MRPL48: variants seen among roughly 807,000 people sequenced by gnomAD.
MRPL48 encodes mitochondrial ribosomal protein L48.
In MRPL48, 16 loss-of-function variants were observed where a neutral mutation model predicts 32.9. That is an observed-to-expected ratio of 0.49 (90% confidence interval 0.33 to 0.74). The LOEUF is 0.74. Ranked by LOEUF, MRPL48 falls within the 30% of genes least tolerant of loss-of-function variation. The pLI, the probability that MRPL48 is intolerant of heterozygous loss-of-function variation, is 0.02. For missense variants in MRPL48, 206 were observed against 245.3 expected (o/e 0.84, Z 1.07); for synonymous variants, 94 against 89.2 (o/e 1.05, Z -0.31).
chr11:73,803,790 G>A (rs1590938317), intron 1 of MRPL48, among the ~76,000 whole-genome samples: 2 of 152,106 alleles, frequency 1.3e-5, no homozygotes, highest in East Asian at 1.9e-4. Context: ...CGTTTGTTTG[G>A]AAGACTGAAG....
chr11:73,808,794 G>A (rs1214773925), intron 3 of MRPL48, among the ~76,000 whole-genome samples: 1 of 152,080 alleles, frequency 6.6e-6, no homozygotes, highest in African/African-American at 2.4e-5. Flanking sequence ...GTGGTGGCAG[G>A]CGCCTGTAAT....
intron 5 of MRPL48, among the ~76,000 whole-genome samples, chr11:73,847,077 A>G (rs944194876): frequency 5.3e-5 from 8 of 151,072 alleles, no homozygotes; most frequent in Admixed American, 3.3e-4. Context: ...CTCGCCTCCA[A>G]TTTCTGGATT....
chr11:73,858,136 A>G (rs180724561), intron 5 of MRPL48, among the ~76,000 whole-genome samples: 3 of 152,338 alleles, frequency 2.0e-5, no homozygotes, highest in East Asian at 1.9e-4. Flanking sequence ...TTGAACATCC[A>G]TAAGAAGTCT....
Position 73,787,924 on chromosome 11 carries a change from G to A in MRPL48, c.-48G>A, listed in dbSNP as rs531006903. On this transcript the variant is annotated 5_prime_UTR_variant, in exon 1 of 8. Transcript: ENST00000310614. ...CAGACGCCCTGGGAACGCGGCTGCA[G>A]GGTCCGGTCTTCGGTTTGCACAGCT... 5.6e-6 allele frequency: 9 copies of A among 1,605,372 alleles called. No homozygotes were observed. The Admixed American group carries it at 1.0e-4, about 18-fold the overall frequency.
In MRPL48 at chr11:73,835,117, G is replaced by C. The variant is rs190877114; in HGVS notation, c.201+9321G>C. 3.7e-3 allele frequency among the ~76,000 whole-genome samples: 548 copies of C among 149,584 alleles called. 4 individuals carry two copies. Among genetic ancestry groups the C allele is most frequent in the Non-Finnish European group, 5.6e-3 (377 of 67,666 alleles). The stretch of plus-strand genomic sequence containing the variant: ...CAAAGTGCTGGGATTACAGGTGTGA[G>C]CCACTGTGCCCAGCCATGTTGTCTT... On this transcript the variant is annotated intron_variant, in intron 4 of 7. Transcript: ENST00000310614.
intron 3 of MRPL48, among the ~76,000 whole-genome samples, chr11:73,812,613 A>G: frequency 6.6e-6 from 1 of 151,640 alleles, no homozygotes. Context: ...AAGTCCCAGA[A>G]TGGTCCTTTG....
chr11:73,842,503 C>T (rs535611609), intron 4 of MRPL48: 8 of 152,172 alleles, frequency 5.3e-5, no homozygotes, highest in South Asian at 4.1e-4. Flanking sequence ...GATGGAGTCT[C>T]GTTCTGTCGC....
intron 2 of MRPL48, among the ~76,000 whole-genome samples, chr11:73,807,918 C>T (rs1319172471): frequency 2.0e-5 from 3 of 152,194 alleles, no homozygotes; most frequent in Non-Finnish European, 4.4e-5. Flanking sequence ...GGATTACAGG[C>T]GTGAGCCGCT....
At chr11:73,823,862 CTTT>C (rs1256521742) in intron 3 of MRPL48, among the ~76,000 whole-genome samples, 1 of 143,360 alleles carries the variant, frequency 7.0e-6, no homozygotes. Context: ...AAAGACCCCC[CTTT>C]TTTTTTTTGA....
intron 1 of MRPL48, among the ~76,000 whole-genome samples, chr11:73,788,566 C>T (rs1947092624): frequency 1.3e-5 from 2 of 149,392 alleles, no homozygotes; most frequent in African/African-American, 2.5e-5. Flanking sequence ...CTTCGCCTTC[C>T]GGGTTCAAGC....
At chr11:73,801,452 T>C (rs1411436040) in intron 1 of MRPL48, among the ~76,000 whole-genome samples, 1 of 152,182 alleles carries the variant, frequency 6.6e-6, no homozygotes, top group Non-Finnish European at 1.5e-5. Context: ...AGGTTAAGTG[T>C]ATTGCACACA....
chr11:73,861,194 A>G lies in MRPL48; in HGVS notation c.474+1185A>G, dbSNP rs1260302782. 2.0e-5 allele frequency among the ~76,000 whole-genome samples: 3 copies of G among 152,236 alleles called. 1 individual carries two copies. Among genetic ancestry groups the G allele is most frequent in the Admixed American group, 6.5e-5 (1 of 15,268 alleles). On this transcript the variant is annotated intron_variant, in intron 6 of 7. Transcript: ENST00000310614. ...TACAATCTTTGGCTTTTTAAATATT[A>G]TCAGGATTAAATTATTTATAATATA... is the stretch of plus-strand genomic sequence containing the variant.
At chr11:73,831,231 A>G (rs921291718) in intron 4 of MRPL48, among the ~76,000 whole-genome samples, 2 of 151,844 alleles carry the variant, frequency 1.3e-5, no homozygotes, top group African/African-American at 4.8e-5. Context: ...TGCTTTTTTG[A>G]GGGAGTAGAT....
intron 5 of MRPL48, among the ~76,000 whole-genome samples, chr11:73,847,257 T>G (rs1035530963): frequency 2.6e-5 from 4 of 152,208 alleles, no homozygotes; most frequent in African/African-American, 9.6e-5. Context: ...TTTATAGTGG[T>G]ATCTCATAGT....
intron 5 of MRPL48, among the ~76,000 whole-genome samples, chr11:73,847,781 T>C (rs1057045651): frequency 3.3e-5 from 5 of 152,128 alleles, no homozygotes; most frequent in Admixed American, 6.5e-5. Flanking sequence ...GATTTCACCA[T>C]GTTGGTCAGG....
intron 3 of MRPL48, among the ~76,000 whole-genome samples, chr11:73,811,461 T>C (rs192280403): frequency 6.6e-6 from 1 of 152,202 alleles, no homozygotes; most frequent in Admixed American, 6.5e-5. Flanking sequence ...TTAAAAATTG[T>C]TTATCTCTTA....
At chr11:73,813,918 G>A (rs1947612605) in intron 3 of MRPL48, among the ~76,000 whole-genome samples, 1 of 151,676 alleles carries the variant, frequency 6.6e-6, no homozygotes, top group Non-Finnish European at 1.5e-5. Context: ...GCAGGTGCCT[G>A]TAGTCCCAGC....
intron 3 of MRPL48, chr11:73,817,980 T>G (rs1239966012): frequency 1.9e-5 from 3 of 161,536 alleles, no homozygotes; most frequent in African/African-American, 7.2e-5. Context: ...AATTTTTTAT[T>G]TTTTAAATTT....
intron 3 of MRPL48, among the ~76,000 whole-genome samples, chr11:73,824,935 C>A (rs1230129306): frequency 6.6e-6 from 1 of 152,106 alleles, no homozygotes; most frequent in Non-Finnish European, 1.5e-5. Flanking sequence ...CAAGAAATAT[C>A]TATGGCTCCT....
Sources: allele counts gnomAD v4.1 joint callset (sites outside exome capture counted in the v4.1 genomes callset), GRCh38; gene constraint gnomAD v4.1.1; transcripts MANE v1.5; gene names NCBI Gene and HGNC (gene_info 2026-07-23, HGNC 2026-07-21).